HGF: variants seen among roughly 807,000 people sequenced by gnomAD.
HGF encodes the protein fibroblast-derived tumor cytotoxic factor.
Under a neutral mutation model 111.6 loss-of-function variants are expected in HGF, and 39 were observed. The ratio of observed to expected loss-of-function variants is 0.35; its 90% CI spans 0.27 to 0.46. The LOEUF is 0.46. Among genes scored for constraint, HGF ranks in the 20% least tolerant of loss-of-function variants. The pLI, the probability that HGF is intolerant of heterozygous loss-of-function variation, is 1.00. For synonymous variants in HGF, 285 were observed against 294.8 expected, an observed-to-expected ratio of 0.97 and a Z score of 0.34; for missense variants, 735 against 910.5, an observed-to-expected ratio of 0.81 and a Z score of 2.48.
At chr7:81,716,117 G>A (rs915607630) in intron 11 of HGF, among the ~76,000 whole-genome samples, 1 of 152,140 alleles carries the variant, frequency 6.6e-6, no homozygotes, top group African/African-American at 2.4e-5. Flanking sequence ...GTGGTTACCA[G>A]TGGAAATGAT....
chr7:81,733,872 T>G (rs902923119), intron 7 of HGF, among the ~76,000 whole-genome samples: 1 of 152,150 alleles, frequency 6.6e-6, no homozygotes, highest in Non-Finnish European at 1.5e-5. Flanking sequence ...TATTCCTCGA[T>G]GGCAGTAAAA....
chr7:81,769,570 A>G (rs1246629822), intron 1 of HGF, among the ~76,000 whole-genome samples: 1 of 152,232 alleles, frequency 6.6e-6, no homozygotes, highest in Non-Finnish European at 1.5e-5. Flanking sequence ...TGTCCAAAGC[A>G]GCCAAGTTCA....
Position 81,707,295 on chromosome 7 carries a change from A to AG in HGF, c.1610dup (p.Ser538PhefsTer8). On this transcript the variant is annotated frameshift_variant, in exon 14 of 18. Transcript: ENST00000222390. LOFTEE classifies it high-confidence loss of function. ...TAGTTTTAAAAACACTTTACCGAGA[A>AG]GGGAAACACTGTCGTGCAGTAAGAA... 6.4e-7 allele frequency: 1 copy of AG among 1,568,766 alleles called. No individual in the cohort carries two copies. Among genetic ancestry groups the AG allele is most frequent in the Non-Finnish European group, 8.8e-7 (1 of 1,139,180 alleles).
At chr7:81,709,878 G>A (rs1053313907) in intron 13 of HGF, among the ~76,000 whole-genome samples, 5 of 151,926 alleles carry the variant, frequency 3.3e-5, no homozygotes, top group South Asian at 2.1e-4. Flanking sequence ...TTGCTTAATC[G>A]GAACCAAAGT....
In HGF at chr7:81,707,361, A is replaced by C; in HGVS notation, c.1545T>G (p.Asn515Lys). 1.3e-6 allele frequency: 2 copies of C among 1,583,830 alleles called. No individual in the cohort carries two copies. ...TCAATGATCCTCCGCAGATATGTTTATTTCTGTGAAAAAGAGGAAAGAGAA... is the reference window on the plus strand; with the variant it reads ...TCAATGATCCTCCGCAGATATGTTTCTTTCTGTGAAAAAGAGGAAAGAGAA... ...IGWMVSLRYR[N>K]KHICGGSLIK... The change falls in exon 14 of 18, where the codon AAT (asparagine) becomes AAG (lysine). Residue 515 changes from asparagine to lysine, a missense_variant. This residue lies in a region of HGF where 553 missense variants were observed against 685.6 expected (regional missense o/e 0.81). Coordinates refer to ENST00000222390, the MANE Select transcript of HGF (RefSeq NM_000601.6).
At chr7:81,767,399 G>T (rs560687493) in intron 1 of HGF, among the ~76,000 whole-genome samples, 7 of 152,000 alleles carry the variant, frequency 4.6e-5, no homozygotes, top group Non-Finnish European at 1.5e-5. Context: ...TCTTTGAACC[G>T]GCTAAATGAG....
chr7:81,769,696 C>T (rs1789534741), intron 1 of HGF, among the ~76,000 whole-genome samples, 188 bp downstream of exon 1: 1 of 151,872 alleles, frequency 6.6e-6, no homozygotes, highest in Non-Finnish European at 1.5e-5. Flanking sequence ...ATTTTAAATG[C>T]TATTCAAACA....
chr7:81,721,166 G>A (rs577651435), intron 9 of HGF, among the ~76,000 whole-genome samples: 2 of 152,256 alleles, frequency 1.3e-5, no homozygotes, highest in South Asian at 4.1e-4. Context: ...AGAATGGCGT[G>A]AACCCGGGAG....
At chr7:81,725,028 C>A (rs1044522907) in intron 9 of HGF, among the ~76,000 whole-genome samples, 2 of 152,192 alleles carry the variant, frequency 1.3e-5, no homozygotes, top group African/African-American at 4.8e-5. Flanking sequence ...TCACTCCCAT[C>A]TGTAGTCTGA....
At chr7:81,732,713 C>G (rs772236955) in intron 7 of HGF, among the ~76,000 whole-genome samples, 1 of 151,874 alleles carries the variant, frequency 6.6e-6, no homozygotes, top group Non-Finnish European at 1.5e-5. Flanking sequence ...CAATGAGCAA[C>G]TATAAGCAAT....
intron 5 of HGF, chr7:81,751,266 T>C: frequency 1.0e-6 from 1 of 984,278 alleles, no homozygotes; most frequent in Non-Finnish European, 1.2e-6. Context: ...AACAATTTTC[T>C]AACAGAGTTT....
intron 7 of HGF, among the ~76,000 whole-genome samples, chr7:81,735,464 GC>G (rs1403887677): frequency 1.3e-5 from 2 of 151,930 alleles, no homozygotes; most frequent in African/African-American, 4.8e-5. Flanking sequence ...CTCTATTCTG[GC>G]CTTGGATAAA....
At chr7:81,713,029 T>G (rs1193536348) in intron 11 of HGF, among the ~76,000 whole-genome samples, 2 of 152,180 alleles carry the variant, frequency 1.3e-5, no homozygotes, top group Non-Finnish European at 2.9e-5. Flanking sequence ...GTAACAAAAC[T>G]TCAAGGATAT....
chr7:81,728,988 C>G (rs1039880177), intron 8 of HGF, among the ~76,000 whole-genome samples: 8 of 152,236 alleles, frequency 5.3e-5, no homozygotes, highest in African/African-American at 1.9e-4. Flanking sequence ...GTGAAAAGTA[C>G]CCATAGAGAA....
chr7:81,757,358 T>A, intron 3 of HGF, 55 bp from the exon 4 acceptor site: 1 of 930,178 alleles, frequency 1.1e-6, no homozygotes, highest in Non-Finnish European at 1.8e-6. Flanking sequence ...ATGCAGTATT[T>A]AAGAAAAAAA....
rs188253748 is a variant in HGF, at chr7:81,700,101, G to T, written c.*2480C>A. 2.6e-5 allele frequency: 4 copies of T among 151,790 alleles called. No homozygotes were observed. The highest frequency in any genetic ancestry group is 2.6e-4 in the Admixed American group (4 of 15,190). 9.4% of individuals were successfully genotyped at this position (151,790 alleles called of 1,614,324 possible). On this transcript the variant is annotated 3_prime_UTR_variant, in exon 18 of 18. Coordinates refer to ENST00000222390, the MANE Select transcript of HGF (RefSeq NM_000601.6). ...TATTCAAACAGCCAAACCAAAAATT[G>T]CATTGAAACCTTCTGATTTAAAAGA...
At chr7:81,765,279 G>A (rs754270669) in intron 1 of HGF, among the ~76,000 whole-genome samples, 3 of 152,054 alleles carry the variant, frequency 2.0e-5, no homozygotes, top group East Asian at 1.9e-4. Context: ...AGAGGTCTCC[G>A]TGGAATTTTT....
intron 4 of HGF, chr7:81,755,451 A>G (rs1318008072): frequency 2.6e-5 from 4 of 152,180 alleles, no homozygotes; most frequent in African/African-American, 9.7e-5. Context: ...ATAAACATCT[A>G]TATCACAAGG....
intron 12 of HGF, 57 bp downstream of exon 12, chr7:81,711,424 C>G (rs573915342): frequency 2.2e-5 from 20 of 929,872 alleles, no homozygotes; most frequent in Middle Eastern, 5.3e-4. Context: ...AATAATGACA[C>G]TTCTGACACA....
Sources: allele counts gnomAD v4.1 joint callset (sites outside exome capture counted in the v4.1 genomes callset), GRCh38; gene constraint gnomAD v4.1.1; regional missense constraint gnomAD v4.1.1; transcripts MANE v1.5; gene names NCBI Gene and HGNC (gene_info 2026-07-23, HGNC 2026-07-21).